GPATCH8: variants seen among roughly 807,000 people sequenced by gnomAD.
GPATCH8 encodes the protein G patch domain-containing protein 8.
A neutral mutation model predicts 118.3 loss-of-function variants in GPATCH8; 18 were observed. The ratio of observed to expected loss-of-function variants is 0.15; its 90% confidence interval spans 0.11 to 0.23. GPATCH8 has a LOEUF of 0.23. GPATCH8 is among the 10% of genes least tolerant of loss of function. The pLI is 1.00. For synonymous variants in GPATCH8, 659 were observed against 684.7 expected (o/e 0.96, Z 0.59); for missense variants, 1,631 against 1,873.8 (o/e 0.87, Z 2.39).
chr17:44,454,340 C>T (rs1568012604), intron 3 of GPATCH8, among the ~76,000 whole-genome samples: 1 of 152,172 alleles, frequency 6.6e-6, no homozygotes, highest in East Asian at 1.9e-4. Flanking sequence ...CCAGGCTGGA[C>T]TTGAACTCCC....
At chr17:44,440,168 TAGTG>T (rs780423936) in intron 3 of GPATCH8, among the ~76,000 whole-genome samples, 38 of 152,314 alleles carry the variant, frequency 2.5e-4, no homozygotes, top group Admixed American at 6.5e-4. Context: ...TATATTAAAT[TAGTG>T]AGAACATTTT....
chr17:44,489,489 C>T (rs761280337), intron 1 of GPATCH8, among the ~76,000 whole-genome samples: 1 of 151,932 alleles, frequency 6.6e-6, no homozygotes, highest in South Asian at 2.1e-4. Flanking sequence ...TACAGGCACC[C>T]GCCATCATGC....
Position 44,424,477 on chromosome 17 carries a change from C to CT in GPATCH8, c.363dup (p.Glu122ArgfsTer18). The CT allele has an allele frequency of 6.2e-7, 1 of 1,608,644 alleles. No homozygotes were observed. ...TCCAAGGCTTTGGCAATTGCCTTCT[C>CT]TTTGTCAACATAATCCTTCAAGACC... On this transcript the variant is annotated frameshift_variant, in exon 6 of 8. Transcript: ENST00000591680. LOFTEE classifies it high-confidence loss of function.
chr17:44,490,981 G>A (rs1031591317), intron 1 of GPATCH8, among the ~76,000 whole-genome samples: 4 of 152,164 alleles, frequency 2.6e-5, no homozygotes, highest in Non-Finnish European at 5.9e-5. Context: ...GCTAACTGGT[G>A]CTGATTCTGA....
At chr17:44,413,045 G>C (rs2143780036) in intron 6 of GPATCH8, among the ~76,000 whole-genome samples, 1 of 152,288 alleles carries the variant, frequency 6.6e-6, no homozygotes, top group East Asian at 1.9e-4. Context: ...GAATGTTTCA[G>C]TATTAAACTA....
At chr17:44,485,890 T>C (rs1334376981) in intron 1 of GPATCH8, among the ~76,000 whole-genome samples, 1 of 152,108 alleles carries the variant, frequency 6.6e-6, no homozygotes, top group Admixed American at 6.6e-5. Flanking sequence ...AGTACACTAG[T>C]GAATATTATG....
At chr17:44,419,475 T>C (rs907117689) in intron 6 of GPATCH8, among the ~76,000 whole-genome samples, 1 of 152,162 alleles carries the variant, frequency 6.6e-6, no homozygotes, top group Non-Finnish European at 1.5e-5. Flanking sequence ...CAATTAAAGA[T>C]TCCTTAGAAA....
At position 44,401,458 on chromosome 17, in the gene GPATCH8, A is replaced by G. The variant is rs1022083228; in HGVS notation, c.624-5T>C. On this transcript the variant is annotated splice_polypyrimidine_tract_variant and splice_region_variant and intron_variant, in intron 7 of 7. Coordinates refer to ENST00000591680, the MANE Select transcript of GPATCH8 (RefSeq NM_001002909.4). ...ATGGGACCACTTCCAGGTGCACTAC[A>G]TGATGATTTAGAAAAATAAAAAACA... 6.3e-7 allele frequency: 1 copy of G among 1,580,028 alleles called. No individual in the cohort carries two copies. Among genetic ancestry groups the G allele is most frequent in the Non-Finnish European group, 8.7e-7 (1 of 1,148,840 alleles).
rs1276449784 is a variant in GPATCH8 at position 44,398,260 on chromosome 17, C to G, written c.3817G>C (p.Ala1273Pro). ...CTGGGGAAATGCTCAAGGTCTGGTGCTATAGGCAGCAAGCTGGACTCCACA... is the reference window on the plus strand; with the variant it reads ...CTGGGGAAATGCTCAAGGTCTGGTGGTATAGGCAGCAAGCTGGACTCCACA... ...GPVESSLLPI[A>P]PDLEHFPSYA... is the part of the protein sequence containing the mutation. Residue 1273 changes from alanine to proline, a missense_variant, in exon 8 of 8, where the codon GCA becomes CCA. By Grantham distance (27) the Ala-to-Pro change is conservative. Transcript: ENST00000591680. 6.2e-7 allele frequency: 1 copy of G among 1,613,288 alleles called. No individual in the cohort carries two copies. The highest frequency in any genetic ancestry group is 2.2e-5 in the East Asian group (1 of 44,882).
chr17:44,402,403 TTTC>T (rs2049061105), intron 7 of GPATCH8, among the ~76,000 whole-genome samples: 1 of 152,080 alleles, frequency 6.6e-6, no homozygotes, highest in Non-Finnish European at 1.5e-5. Context: ...TCTGATCTCA[TTTC>T]TTATTTTATA....
At chr17:44,424,229 A>C in intron 6 of GPATCH8, 120 bp downstream of exon 6, 1 of 758,164 alleles carries the variant, frequency 1.3e-6, no homozygotes, top group Non-Finnish European at 2.4e-6. Flanking sequence ...ATGACTGCAG[A>C]TAAAGATTGG....
intron 6 of GPATCH8, among the ~76,000 whole-genome samples, chr17:44,424,118 T>G (rs1436379998): frequency 1.3e-5 from 2 of 152,150 alleles, no homozygotes; most frequent in African/African-American, 4.8e-5. Context: ...TTATATAAGA[T>G]TTACAAAACA....
chr17:44,421,519 C>T (rs1567965181), intron 6 of GPATCH8, among the ~76,000 whole-genome samples: 1 of 151,774 alleles, frequency 6.6e-6, no homozygotes. Context: ...GTGCACACTA[C>T]CATGCCCAGC....
chr17:44,432,659 A>T (rs553769361), intron 5 of GPATCH8, among the ~76,000 whole-genome samples: 2 of 152,202 alleles, frequency 1.3e-5, no homozygotes, highest in Non-Finnish European at 2.9e-5. Flanking sequence ...CTAGAGGGGA[A>T]AAGTACAAAT....
Position 44,464,678 on chromosome 17 carries a change from T to A in GPATCH8, c.121-134A>T, listed in dbSNP as rs956450669. On this transcript the variant is annotated intron_variant, in intron 2 of 7. Transcript: ENST00000591680. The stretch of plus-strand genomic sequence containing the variant: ...ATGCAAAAAGGTGCTAATAATAGGG[T>A]AAATGTGCCCAATAAGAGGGACATT... 16 of 727,496 alleles carry A rather than the reference T, an allele frequency of 2.2e-5. No homozygotes were observed. In the Admixed American group the frequency reaches 2.9e-4, roughly 13 times the overall value. The allele number at this position is 727,496 out of a possible 1,614,324, so 45.1% of individuals were successfully genotyped here.
At position 44,398,071 on chromosome 17, in the gene GPATCH8, G is replaced by A. The variant is rs753739830; in HGVS notation, c.4006C>T (p.Leu1336=). The change falls in exon 8 of 8, where the codon CTG becomes TTG. Residue 1336 remains leucine, a synonymous_variant. Transcript: ENST00000591680. The part of the protein sequence containing the change: ...AAQQHIQQQL[L]AKQVKAFPAS... ...GGAAAGGCCTTTACTTGCTTGGCCA[G>A]AAGCTGCTGCTGGATGTGTTGCTGA... is the stretch of plus-strand genomic sequence containing the variant. The A allele has an allele frequency of 6.2e-7, 1 of 1,614,118 alleles. No homozygotes were observed. Among genetic ancestry groups the A allele is most frequent in the Non-Finnish European group, 8.5e-7 (1 of 1,179,978 alleles).
At chr17:44,440,160 T>C (rs899041870) in intron 3 of GPATCH8, among the ~76,000 whole-genome samples, 4 of 152,208 alleles carry the variant, frequency 2.6e-5, no homozygotes, top group African/African-American at 9.6e-5. Context: ...ATTTAAAATA[T>C]ATTAAATTAG....
chr17:44,480,160 AAC>A (rs1446016030), intron 1 of GPATCH8, among the ~76,000 whole-genome samples: 4 of 152,248 alleles, frequency 2.6e-5, no homozygotes, highest in Admixed American at 1.3e-4. Flanking sequence ...ATAAGATTTA[AAC>A]ATTTCATCAA....
chr17:44,435,766 A>T (rs1270030019), intron 4 of GPATCH8, among the ~76,000 whole-genome samples: 1 of 144,300 alleles, frequency 6.9e-6, no homozygotes, highest in Non-Finnish European at 1.5e-5. Flanking sequence ...TCACACCTGT[A>T]ATCCCAGCAC....
Sources: gnomAD v4.1 joint callset for allele counts (sites outside exome capture counted in the v4.1 genomes callset) on GRCh38, gnomAD v4.1.1 for gene constraint, MANE v1.5 for transcripts, NCBI Gene and HGNC (gene_info 2026-07-23, HGNC 2026-07-21) for gene names.